Variants in SDC2 observed in about 807,000 individuals in gnomAD.
The protein encoded by SDC2 is syndecan-2.
SDC2 carries 13 observed loss-of-function variants against 22.2 expected under a neutral mutation model. The observed-to-expected ratio is 0.59, with a 90% CI of 0.38 to 0.93. The LOEUF is 0.93. SDC2 is among the 40% of genes least tolerant of loss of function. SDC2 has a pLI of 0.00. For missense variants in SDC2, 235 were observed against 246.8 expected, an observed-to-expected ratio of 0.95 and a Z score of 0.32; for synonymous variants, 94 against 92.8, an observed-to-expected ratio of 1.01 and a Z score of -0.07.
At chr8:96,501,264 T>G (rs969357954) in intron 1 of SDC2, among the ~76,000 whole-genome samples, 4 of 150,552 alleles carry the variant, frequency 2.7e-5, no homozygotes, top group Non-Finnish European at 4.4e-5. Flanking sequence ...AAAGGAAAAT[T>G]TTTTTTAAGG....
At chr8:96,572,249 GT>G (rs1289373314) in intron 1 of SDC2, among the ~76,000 whole-genome samples, 6 of 152,172 alleles carry the variant, frequency 3.9e-5, no homozygotes, top group African/African-American at 1.4e-4. Context: ...GGTGGAAAAT[GT>G]TTGTTCATAT....
At chr8:96,534,902 T>G (rs2437774) in intron 1 of SDC2, among the ~76,000 whole-genome samples, 41 of 152,236 alleles carry the variant, frequency 2.7e-4, no homozygotes, top group Non-Finnish European at 5.6e-4. Context: ...CTGTTCTTGC[T>G]TTCTCACTGA....
chr8:96,541,132 TAAA>T (rs1414080541), intron 1 of SDC2, among the ~76,000 whole-genome samples: 6 of 152,196 alleles, frequency 3.9e-5, no homozygotes, highest in African/African-American at 1.4e-4. Flanking sequence ...TATTCAGCCT[TAAA>T]GAAGGAAATT....
chr8:96,516,492 A>G (rs186759250), intron 1 of SDC2, among the ~76,000 whole-genome samples: 2 of 152,100 alleles, frequency 1.3e-5, no homozygotes, highest in South Asian at 2.1e-4. Flanking sequence ...TATTCACACA[A>G]TTGTGCAACA....
At chr8:96,553,042 T>A (rs1814052169) in intron 1 of SDC2, among the ~76,000 whole-genome samples, 1 of 152,208 alleles carries the variant, frequency 6.6e-6, no homozygotes, top group African/African-American at 2.4e-5. Context: ...GTAATAAAAG[T>A]TTCAAATTTT....
At chr8:96,560,623 T>C (rs547951797) in intron 1 of SDC2, among the ~76,000 whole-genome samples, 1 of 152,180 alleles carries the variant, frequency 6.6e-6, no homozygotes, top group African/African-American at 2.4e-5. Context: ...GGAAGGAGTT[T>C]TTCTGAATTT....
At chr8:96,556,577 A>G (rs997887284) in intron 1 of SDC2, among the ~76,000 whole-genome samples, 44 of 152,050 alleles carry the variant, frequency 2.9e-4, no homozygotes, top group Non-Finnish European at 5.3e-4. Context: ...CCATATGTAG[A>G]AAGCTGAAAC....
chr8:96,556,682 C>A (rs1814119540), intron 1 of SDC2, among the ~76,000 whole-genome samples: 2 of 152,138 alleles, frequency 1.3e-5, no homozygotes, highest in African/African-American at 4.8e-5. Flanking sequence ...TAGAAGAAAA[C>A]CTAGGCAGTA....
At chr8:96,593,746 C>T (rs1329683176) in intron 2 of SDC2, among the ~76,000 whole-genome samples, 155 bp downstream of exon 2, 1 of 152,224 alleles carries the variant, frequency 6.6e-6, no homozygotes, top group East Asian at 1.9e-4. Flanking sequence ...CTAGCTCTCT[C>T]TGCCACTTAC....
chr8:96,502,180 A>G (rs1173221111), intron 1 of SDC2, among the ~76,000 whole-genome samples: 1 of 152,182 alleles, frequency 6.6e-6, no homozygotes, highest in African/African-American at 2.4e-5. Context: ...AAGCAAAGGC[A>G]CGTCCTACAT....
intron 1 of SDC2, among the ~76,000 whole-genome samples, chr8:96,507,335 C>T (rs1252795486): frequency 6.6e-6 from 1 of 152,228 alleles, no homozygotes; most frequent in Non-Finnish European, 1.5e-5. Flanking sequence ...ATTTCTGGCA[C>T]ATGTTTGACA....
intron 1 of SDC2, among the ~76,000 whole-genome samples, chr8:96,562,274 G>C (rs928376204): frequency 2.0e-5 from 3 of 152,168 alleles, no homozygotes; most frequent in Non-Finnish European, 2.9e-5. Context: ...CCATTGTATT[G>C]CCTTTGCTCC....
At chr8:96,539,829 A>G (rs746774726) in intron 1 of SDC2, among the ~76,000 whole-genome samples, 2 of 152,162 alleles carry the variant, frequency 1.3e-5, no homozygotes. Context: ...CCAATTTTAT[A>G]AGGTGTCATT....
At chr8:96,562,213 T>G (rs1290221262) in intron 1 of SDC2, among the ~76,000 whole-genome samples, 1 of 152,248 alleles carries the variant, frequency 6.6e-6, no homozygotes, top group African/African-American at 2.4e-5. Context: ...TGTTTTTGCA[T>G]GTGGATGTCC....
chr8:96,608,338 C>T lies in SDC2; in HGVS notation c.310C>T (p.Pro104Ser), dbSNP rs1450582899. The change falls in exon 4 of 5, where the codon CCT becomes TCT. Residue 104 changes from proline (P) to serine (S), a missense_variant. Physicochemically the swap from Pro to Ser is moderately conservative, Grantham distance 74. Transcript: ENST00000302190. Reference protein sequence around the residue: ...QNKIPAQTKSPEETDKEKVHL... With the variant: ...QNKIPAQTKSSEETDKEKVHL... ...CTTTCCCTGTTTCCCATACCAGTCA[C>T]CTGAAGAAACTGATAAAGAGAAAGT... The T allele has an allele frequency of 6.2e-7, 1 of 1,612,418 alleles. No homozygotes were observed. The highest frequency in any genetic ancestry group is 1.1e-5 in the South Asian group (1 of 90,618).
chr8:96,558,831 G>GTA (rs904988618), intron 1 of SDC2, among the ~76,000 whole-genome samples: 21 of 152,120 alleles, frequency 1.4e-4, no homozygotes, highest in African/African-American at 4.8e-4. Context: ...GTGTGTGTGT[G>GTA]TGTGTCTAAT....
At position 96,610,706 on chromosome 8, in the gene SDC2, G is replaced by A. The variant is rs561718362; in HGVS notation, c.*1158G>A. The A allele has an allele frequency of 6.0e-4, 91 of 152,622 alleles. No individual in the cohort carries two copies. Among genetic ancestry groups the A allele is most frequent in the South Asian group, 1.7e-3 (8 of 4,818 alleles). The allele number at this position is 152,622 out of a possible 1,614,324, so 9.5% of individuals were successfully genotyped here. On this transcript the variant is annotated 3_prime_UTR_variant, in exon 5 of 5. Coordinates refer to ENST00000302190, the MANE Select transcript of SDC2 (RefSeq NM_002998.4). ...GTACATCTCCCCTTTGCTAACGGCC[G>A]TCTGCTCTCAAGGATGACGTGGGTT...
At chr8:96,589,652 C>T (rs1814745034) in intron 1 of SDC2, among the ~76,000 whole-genome samples, 1 of 152,228 alleles carries the variant, frequency 6.6e-6, no homozygotes, top group Admixed American at 6.5e-5. Context: ...CTCAGGTGAT[C>T]CGCCCGCCTT....
chr8:96,563,348 A>G (rs1478442679), intron 1 of SDC2, among the ~76,000 whole-genome samples: 1 of 152,160 alleles, frequency 6.6e-6, no homozygotes, highest in Non-Finnish European at 1.5e-5. Flanking sequence ...AGTGTCTTGA[A>G]TTTCCTGGCT....
Sources: allele counts gnomAD v4.1 joint callset (sites outside exome capture counted in the v4.1 genomes callset), GRCh38; gene constraint gnomAD v4.1.1; transcripts MANE v1.5; gene names NCBI Gene and HGNC (gene_info 2026-07-23, HGNC 2026-07-21).